The following PSD3 variants were observed in gnomAD, a reference collection of about 807,000 sequenced individuals.
The protein encoded by PSD3 is pleckstrin and Sec7 domain containing 3.
Under a neutral mutation model 105.5 loss-of-function variants are expected in PSD3, and 49 were observed. The observed-to-expected ratio is 0.46, with a 90% CI of 0.37 to 0.59. PSD3 has a LOEUF of 0.59. Ranked by LOEUF, PSD3 falls within the 20% of genes least tolerant of loss-of-function variation. The pLI is 0.00. For missense variants in PSD3, 1,561 were observed against 1,263.8 expected (o/e 1.24, Z -3.57); for synonymous variants, 557 against 457.8 (o/e 1.22, Z -2.77).
chr8:18,584,151 C>A (rs950360802), intron 12 of PSD3, among the ~76,000 whole-genome samples: 1 of 152,148 alleles, frequency 6.6e-6, no homozygotes, highest in African/African-American at 2.4e-5. Context: ...ATAGAAGATA[C>A]GAGACATTTT....
chr8:18,634,610 C>A (rs1038797862), intron 10 of PSD3, among the ~76,000 whole-genome samples: 2 of 152,122 alleles, frequency 1.3e-5, no homozygotes, highest in Non-Finnish European at 2.9e-5. Flanking sequence ...TGTAACAGTT[C>A]CTCAGTCTCT....
chr8:19,049,981 C>T (rs1828463560), intron 1 of PSD3, among the ~76,000 whole-genome samples: 1 of 152,160 alleles, frequency 6.6e-6, no homozygotes, highest in African/African-American at 2.4e-5. Context: ...AACCACTTTT[C>T]AACAGAAAGT....
chr8:18,613,310 G>A (rs1224494604), intron 11 of PSD3, among the ~76,000 whole-genome samples: 1 of 152,088 alleles, frequency 6.6e-6, no homozygotes, highest in Non-Finnish European at 1.5e-5. Flanking sequence ...TGGGAGGAGG[G>A]GGTGGGGCCT....
At chr8:18,855,966 T>A (rs28670703) in intron 4 of PSD3, among the ~76,000 whole-genome samples, 1 of 152,134 alleles carries the variant, frequency 6.6e-6, no homozygotes. Flanking sequence ...TACAACCTCT[T>A]TGAGTGCAGC....
chr8:18,973,787 G>A (rs1052135552), intron 1 of PSD3, among the ~76,000 whole-genome samples: 1 of 152,160 alleles, frequency 6.6e-6, no homozygotes, highest in Non-Finnish European at 1.5e-5. Flanking sequence ...TGAAGTTTAA[G>A]CTTCTTTCAT....
At chr8:18,621,303 G>A (rs1806091980) in intron 11 of PSD3, among the ~76,000 whole-genome samples, 3 of 152,120 alleles carry the variant, frequency 2.0e-5, no homozygotes, top group Non-Finnish European at 2.9e-5. Context: ...TGTTACTCAG[G>A]AGGCCACAGT....
intron 2 of PSD3, among the ~76,000 whole-genome samples, chr8:18,928,985 G>T (rs950497767): frequency 6.6e-6 from 1 of 152,160 alleles, no homozygotes; most frequent in African/African-American, 2.4e-5. Context: ...CAAGTCTTTT[G>T]TTTTTAAGAT....
chr8:18,818,688 C>A (rs1406888046), intron 4 of PSD3, among the ~76,000 whole-genome samples: 4 of 151,960 alleles, frequency 2.6e-5, no homozygotes, highest in East Asian at 1.9e-4. Flanking sequence ...TCCATACCCC[C>A]CCCAACAACC....
intron 11 of PSD3, among the ~76,000 whole-genome samples, chr8:18,620,360 T>TTTTTTTC (rs1554524298): frequency 2.0e-5 from 3 of 149,890 alleles, no homozygotes; most frequent in African/African-American, 4.9e-5. Flanking sequence ...TTTTTTTTTT[T>TTTTTTTC]CCCCAGGCTG....
At chr8:19,019,457 A>G (rs912688393) in intron 1 of PSD3, among the ~76,000 whole-genome samples, 7 of 152,232 alleles carry the variant, frequency 4.6e-5, no homozygotes, top group African/African-American at 1.7e-4. Context: ...TAACCTCTAC[A>G]GTATTTTCAA....
intron 4 of PSD3, among the ~76,000 whole-genome samples, chr8:18,855,712 A>G (rs973647969): frequency 1.2e-4 from 19 of 152,098 alleles, no homozygotes; most frequent in Admixed American, 1.3e-4. Context: ...ACACTGTCTA[A>G]TGATTACAGA....
At chr8:18,800,672 A>C (rs1324669067) in intron 7 of PSD3, among the ~76,000 whole-genome samples, 1 of 152,230 alleles carries the variant, frequency 6.6e-6, no homozygotes, top group Non-Finnish European at 1.5e-5. Flanking sequence ...TACTTTGTAA[A>C]AATAGTGTAA....
intron 1 of PSD3, among the ~76,000 whole-genome samples, chr8:18,938,232 G>C (rs1822284293): frequency 1.3e-5 from 2 of 152,192 alleles, no homozygotes; most frequent in South Asian, 4.1e-4. Flanking sequence ...ATCCAAACGA[G>C]AACAGGGAAG....
intron 4 of PSD3, among the ~76,000 whole-genome samples, chr8:18,812,618 C>T (rs1013524143): frequency 1.3e-5 from 2 of 152,064 alleles, no homozygotes; most frequent in Non-Finnish European, 2.9e-5. Context: ...TCCTGAGCAA[C>T]TTCAAGGGTG....
chr8:19,067,590 C>T (rs918195685), intron 1 of PSD3, among the ~76,000 whole-genome samples: 1 of 152,194 alleles, frequency 6.6e-6, no homozygotes, highest in Admixed American at 6.5e-5. Context: ...GGTGGAACCA[C>T]AGTCGGGTGG....
chr8:19,016,683 C>CA (rs1239482518), upstream of PSD3, among the ~76,000 whole-genome samples: 1 of 152,162 alleles, frequency 6.6e-6, no homozygotes, highest in Non-Finnish European at 1.5e-5. Flanking sequence ...GAGAATACCA[C>CA]AGACTAGGTA....
intron 9 of PSD3, among the ~76,000 whole-genome samples, chr8:18,717,072 C>T (rs1390874395): frequency 6.6e-6 from 1 of 152,242 alleles, no homozygotes; most frequent in East Asian, 1.9e-4. Context: ...TAGTTAGAAA[C>T]AAAAACGAAA....
chr8:18,857,298 A>G (rs985748646), intron 4 of PSD3, among the ~76,000 whole-genome samples: 2 of 152,086 alleles, frequency 1.3e-5, no homozygotes, highest in African/African-American at 4.8e-5. Context: ...CCAAACTTCA[A>G]CGTGATCATG....
intron 9 of PSD3, among the ~76,000 whole-genome samples, chr8:18,702,737 C>T (rs552786300): frequency 2.6e-5 from 4 of 152,050 alleles, no homozygotes; most frequent in South Asian, 2.1e-4. Context: ...CTCAGCCTCC[C>T]GAGTAGCTGG....
Sources: allele counts gnomAD v4.1 joint callset (sites outside exome capture counted in the v4.1 genomes callset), GRCh38; gene constraint gnomAD v4.1.1; transcripts MANE v1.5; gene names NCBI Gene and HGNC (gene_info 2026-07-23, HGNC 2026-07-21).